C5: variants seen among roughly 807,000 people sequenced by gnomAD.
The protein encoded by C5 is C3 and PZP-like alpha-2-macroglobulin domain-containing protein 4.
Under a neutral mutation model 218.8 loss-of-function variants are expected in C5, and 140 were observed. That is an observed-to-expected ratio of 0.64 (90% CI 0.56 to 0.74). The LOEUF (loss-of-function observed/expected upper bound fraction) is 0.74. Ranked by LOEUF, C5 falls within the 30% of genes least tolerant of loss-of-function variation. The probability of loss-of-function intolerance (pLI) is 0.00; values close to 1 mark genes in which losing one functional copy is unlikely to be tolerated. For missense variants in C5, 1,700 were observed against 1,969.6 expected (o/e 0.86, Z 2.59); for synonymous variants, 614 against 682.3 (o/e 0.90, Z 1.56).
chr9:120,965,613 A>G (rs2046861755), intron 33 of C5, among the ~76,000 whole-genome samples: 1 of 152,176 alleles, frequency 6.6e-6, no homozygotes, highest in African/African-American at 2.4e-5. Context: ...ACAATAAAGA[A>G]AAGTATTCTA....
intron 12 of C5, among the ~76,000 whole-genome samples, chr9:121,019,497 T>A (rs1026170285): frequency 4.6e-5 from 7 of 152,218 alleles, no homozygotes; most frequent in African/African-American, 1.7e-4. Flanking sequence ...GCTACGGAAT[T>A]GGAACAGGCA....
rs767070451 is a variant in C5, at chr9:121,032,181, G to A, written c.599C>T (p.Thr200Met). Residue 200 changes from threonine (T) to methionine (M), a missense_variant, in exon 6 of 41, where the codon ACG becomes ATG. Coordinates refer to ENST00000223642, the MANE Select transcript of C5 (RefSeq NM_001735.3). ...GTCCTCTTTATATTTAGCCTTGATC[G>A]TCCACATACCATATCTGTGGAAGCA... ...IPSNPRYGMWTIKAKYKEDFS... is the reference protein window; with the variant it reads ...IPSNPRYGMWMIKAKYKEDFS... 5.6e-6 allele frequency: 9 copies of A among 1,600,112 alleles called. No individual in the cohort carries two copies. The highest frequency in any genetic ancestry group is 2.7e-5 in the African/African-American group (2 of 74,658).
chr9:121,038,935 G>A (rs2047553481), intron 3 of C5, among the ~76,000 whole-genome samples: 1 of 152,030 alleles, frequency 6.6e-6, no homozygotes. Context: ...TGCTTTTTGG[G>A]ACACACCCAG....
rs138513890 is a variant in C5, at chr9:120,974,461, C to T, written c.4017+318G>A. Among the ~76,000 whole-genome samples, 49 of 152,372 alleles carry T rather than the reference C, an allele frequency of 3.2e-4. 1 individual carries two copies. In the South Asian group the frequency reaches 3.5e-3, roughly 11 times the overall value. On this transcript the variant is annotated intron_variant, in intron 30 of 40. Transcript: ENST00000223642. ...CTGATTTTTTCAGATTTAACCCACA[C>T]ATCTGGACACATCTGACAAACTCCC...
intron 22 of C5, 124 bp downstream of exon 22, chr9:120,996,116 G>T: frequency 2.4e-6 from 2 of 817,224 alleles, no homozygotes; most frequent in Non-Finnish European, 4.3e-6. Context: ...ACTGTGCCTG[G>T]CCAGAAGTGG....
chr9:121,003,772 T>C (rs2047191802), intron 20 of C5, among the ~76,000 whole-genome samples: 1 of 152,038 alleles, frequency 6.6e-6, no homozygotes, highest in Non-Finnish European at 1.5e-5. Flanking sequence ...AAAATAAGAA[T>C]AGAATTTATG....
At position 120,974,891 on chromosome 9, in the gene C5, A is replaced by G; in HGVS notation, c.3905T>C (p.Leu1302Pro). The G allele has an allele frequency of 6.2e-7, 1 of 1,614,190 alleles. No homozygotes were observed. Among genetic ancestry groups the G allele is most frequent in the East Asian group, 2.2e-5 (1 of 44,886 alleles). ...ACTCAAGCGGAGTTGTTTAACCAGG[A>G]GTGAATATTCCGTCAGGCCCTCAAT... Reference protein sequence around the residue: ...NAIEGLTEYSLLVKQLRLSMD... With the variant: ...NAIEGLTEYSPLVKQLRLSMD... Residue 1302 changes from leucine to proline, a missense_variant, in exon 30 of 41, where the codon CTC becomes CCC. Leu to Pro is a moderately conservative substitution (Grantham distance 98). Coordinates refer to ENST00000223642, the MANE Select transcript of C5 (RefSeq NM_001735.3).
intron 25 of C5, among the ~76,000 whole-genome samples, chr9:120,986,032 C>T (rs1042110764): frequency 6.6e-6 from 1 of 152,110 alleles, no homozygotes; most frequent in African/African-American, 2.4e-5. Flanking sequence ...TTTTCCAAGC[C>T]CCTTCCTCTT....
chr9:121,035,035 G>T, intron 4 of C5, 141 bp from the exon 5 acceptor site: 2 of 589,812 alleles, frequency 3.4e-6, no homozygotes, highest in Admixed American at 3.1e-5. Context: ...TAAATATGAA[G>T]GATGAAGATC....
At chr9:121,055,614 C>G in the C5 span, among the ~76,000 whole-genome samples, 6 of 152,218 alleles carry the variant, frequency 3.9e-5, no homozygotes, top group Non-Finnish European at 7.3e-5. Context: ...GATAGTGTTT[C>G]TAGGCCCATC....
chr9:120,957,473 A>G, intron 38 of C5, 105 bp from the exon 39 acceptor site: 1 of 816,328 alleles, frequency 1.2e-6, no homozygotes, highest in Non-Finnish European at 2.1e-6. Flanking sequence ...AGCATGGCAA[A>G]CTATTATAGT....
chr9:121,067,831 T>G, the C5 span, among the ~76,000 whole-genome samples: 1 of 152,120 alleles, frequency 6.6e-6, no homozygotes, highest in Non-Finnish European at 1.5e-5. Context: ...TGCTTCCCCT[T>G]TGCCTTCCAC....
In C5 at chr9:120,953,787, C is replaced by T. The variant is rs2046764832; in HGVS notation, c.4844G>A (p.Arg1615Lys). Residue 1615 changes from arginine to lysine, a missense_variant, in exon 40 of 41, where the codon AGA becomes AAA. Coordinates refer to ENST00000223642, the MANE Select transcript of C5 (RefSeq NM_001735.3). ...TCTNAELVKG[R>K]QYLIMGKEAL... ...TTCTTTACCCATAATTAAGTACTGT[C>T]TTCCTTTTACCAGCTCAGCGTTAGT... 2 of 1,614,000 alleles carry T rather than the reference C, an allele frequency of 1.2e-6. No individual in the cohort carries two copies. The highest frequency in any genetic ancestry group is 1.3e-5 in the African/African-American group (1 of 75,050).
chr9:121,014,599 T>G (rs967037325), intron 16 of C5, among the ~76,000 whole-genome samples: 2 of 152,146 alleles, frequency 1.3e-5, no homozygotes, highest in Non-Finnish European at 2.9e-5. Context: ...TCATTAGAAC[T>G]TAGAATAAAG....
chr9:120,992,038 T>A (rs2047080522), intron 22 of C5, among the ~76,000 whole-genome samples: 1 of 152,216 alleles, frequency 6.6e-6, no homozygotes, highest in African/African-American at 2.4e-5. Context: ...GAGCCCACAC[T>A]AGTCACCACA....
intron 25 of C5, among the ~76,000 whole-genome samples, chr9:120,986,356 C>G (rs1461629913): frequency 8.3e-6 from 1 of 120,650 alleles, no homozygotes; most frequent in Non-Finnish European, 1.7e-5. Flanking sequence ...TCAATATCCA[C>G]AATGTTCTTT....
chr9:120,960,377 A>G (rs2046818205), intron 37 of C5, 40 bp from the exon 38 acceptor site: 1 of 1,347,308 alleles, frequency 7.4e-7, no homozygotes, highest in Admixed American at 1.7e-5. Flanking sequence ...GGTTAATGGA[A>G]AGAAGTAGAC....
At chr9:120,984,397 G>C (rs937332686) in intron 25 of C5, among the ~76,000 whole-genome samples, 1 of 152,144 alleles carries the variant, frequency 6.6e-6, no homozygotes, top group African/African-American at 2.4e-5. Context: ...GATTGCTCAG[G>C]TTCAAGGACA....
intron 17 of C5, among the ~76,000 whole-genome samples, chr9:121,009,249 A>G (rs41309870): frequency 1.1e-3 from 167 of 152,396 alleles, no homozygotes; most frequent in African/African-American, 3.6e-3. Flanking sequence ...GCCTTAATAG[A>G]AAACAAAACA....
Sources: allele counts gnomAD v4.1 joint callset (sites outside exome capture counted in the v4.1 genomes callset), GRCh38; gene constraint gnomAD v4.1.1; transcripts MANE v1.5; gene names NCBI Gene and HGNC (gene_info 2026-07-23, HGNC 2026-07-21).